The following MAD2L1BP variants were observed in gnomAD, a reference collection of about 807,000 sequenced individuals.
MAD2L1BP encodes the protein MAD2L1 binding protein.
In MAD2L1BP, 22 loss-of-function variants were observed where a neutral mutation model predicts 28.4. That is an observed-to-expected ratio of 0.77 (90% CI 0.55 to 1.10). MAD2L1BP has a LOEUF of 1.10. MAD2L1BP is among the 50% of genes least tolerant of loss of function. The probability of loss-of-function intolerance (pLI) is 0.00; values close to 1 mark genes in which losing one functional copy is unlikely to be tolerated. For synonymous variants in MAD2L1BP, 146 were observed against 133.7 expected (o/e 1.09, Z -0.63); for missense variants, 325 against 350.5 (o/e 0.93, Z 0.58).
At chr6:43,637,762 C>T (rs1222543163) in intron 2 of MAD2L1BP, among the ~76,000 whole-genome samples, 1 of 152,014 alleles carries the variant, frequency 6.6e-6, no homozygotes, top group Non-Finnish European at 1.5e-5. Flanking sequence ...CCATGTCCAG[C>T]TAATTTTTGT....
upstream of MAD2L1BP, among the ~76,000 whole-genome samples, chr6:43,634,228 T>TG (rs1770077656): frequency 7.1e-6 from 1 of 140,674 alleles, no homozygotes; most frequent in South Asian, 2.3e-4. Context: ...TTCTTTTTTT[T>TG]TTTTTTTTTG....
chr6:43,629,982 A>G (rs1231090723), intron 1 of MAD2L1BP, among the ~76,000 whole-genome samples: 1 of 152,218 alleles, frequency 6.6e-6, no homozygotes, highest in Non-Finnish European at 1.5e-5. Context: ...GAAGGCTGCA[A>G]GCATACCCAA....
At chr6:43,639,260 C>T (rs1770433481) in intron 2 of MAD2L1BP, among the ~76,000 whole-genome samples, 1 of 152,170 alleles carries the variant, frequency 6.6e-6, no homozygotes, top group African/African-American at 2.4e-5. Context: ...CTGCCTCAGC[C>T]TCCCTAGTAG....
In MAD2L1BP at chr6:43,640,520, G is replaced by C. The variant is rs1412912507; in HGVS notation, c.812G>C (p.Gly271Ala). 38 of 1,582,428 alleles carry C rather than the reference G, an allele frequency of 2.4e-5. No individual in the cohort carries two copies. Among genetic ancestry groups the C allele is most frequent in the Admixed American group, 3.7e-5 (2 of 54,676 alleles). Residue 271 changes from glycine (G) to alanine (A), a missense_variant, in exon 3 of 3, where the codon GGC becomes GCC. Coordinates refer to ENST00000372171, the MANE Select transcript of MAD2L1BP (RefSeq NM_014628.3). ...IWFQAPVTFK[G>A]FRE ...TTCCAGGCACCAGTGACATTTAAAG[G>C]CTTCCGCGAGTGAATGAGTGCTTCT...
chr6:43,639,300 C>T (rs1405238678), intron 2 of MAD2L1BP, among the ~76,000 whole-genome samples: 3 of 152,124 alleles, frequency 2.0e-5, no homozygotes, highest in Admixed American at 1.3e-4. Flanking sequence ...CCACCACACT[C>T]GGCTAATTTT....
At chr6:43,631,853 G>T (rs903865385), upstream of MAD2L1BP, among the ~76,000 whole-genome samples, 2 of 152,102 alleles carry the variant, frequency 1.3e-5, no homozygotes, top group African/African-American at 4.8e-5. Context: ...CGAGATGGGA[G>T]AATTGCTTAA....
At position 43,640,006 on chromosome 6, in the gene MAD2L1BP, T is replaced by C. The variant is rs749879130; in HGVS notation, c.313-15T>C. 4.0e-6 allele frequency: 6 copies of C among 1,513,346 alleles called. No individual in the cohort carries two copies. In the Admixed American group the frequency reaches 1.3e-4, roughly 33 times the overall value. The allele number at this position is 1,513,346 out of a possible 1,614,324, so 93.7% of individuals were successfully genotyped here. A position where few individuals can be genotyped will look rare whatever the true frequency, so the allele number is the denominator to read the frequency against. ...CTGCCTTGTTCTTCTCTCCCACCAT[T>C]CTTTGTCCTCACAGGCAGAGGAGAT... On this transcript the variant is annotated splice_polypyrimidine_tract_variant and intron_variant, in intron 2 of 2. Coordinates refer to ENST00000372171, the MANE Select transcript of MAD2L1BP (RefSeq NM_014628.3).
upstream of MAD2L1BP, among the ~76,000 whole-genome samples, chr6:43,630,900 C>T (rs1223648176): frequency 1.7e-5 from 2 of 120,442 alleles, no homozygotes; most frequent in Non-Finnish European, 3.2e-5. Flanking sequence ...CAGAACGAGA[C>T]TTCGTCTCAA....
At position 43,640,698 on chromosome 6, in the gene MAD2L1BP, A is replaced by G. The variant is rs1288761633; in HGVS notation, c.*165A>G. On this transcript the variant is annotated 3_prime_UTR_variant, in exon 3 of 3. Coordinates refer to ENST00000372171, the MANE Select transcript of MAD2L1BP (RefSeq NM_014628.3). ...TCAGATTTCCTGATAGGCTGATGGC[A>G]TGTGGCTGTGACTGTGACTGTAATC... The G allele has an allele frequency of 1.5e-6, 1 of 659,820 alleles. No individual in the cohort carries two copies. Among genetic ancestry groups the G allele is most frequent in the Non-Finnish European group, 2.5e-6 (1 of 398,254 alleles). The allele number at this position is 659,820 out of a possible 1,614,324, so 40.9% of individuals were successfully genotyped here. A position where few individuals can be genotyped will look rare whatever the true frequency, so the allele number is the denominator to read the frequency against.
chr6:43,639,649 C>A (rs1156750657), intron 2 of MAD2L1BP, among the ~76,000 whole-genome samples: 3 of 152,156 alleles, frequency 2.0e-5, no homozygotes, highest in Non-Finnish European at 2.9e-5. Flanking sequence ...AGTGGAAGAA[C>A]AAGTTCAAAG....
chr6:43,634,220 C>CTTTTT (rs751773637), upstream of MAD2L1BP, among the ~76,000 whole-genome samples: 3 of 103,688 alleles, frequency 2.9e-5, no homozygotes, highest in Admixed American at 9.7e-5. Context: ...TTCTTTTTTT[C>CTTTTT]TTTTTTTTTT....
In MAD2L1BP at chr6:43,639,494, G is replaced by A. The variant is rs111806565; in HGVS notation, c.313-527G>A. 3.9e-4 allele frequency among the ~76,000 whole-genome samples: 59 copies of A among 152,312 alleles called. 1 individual carries two copies. Among genetic ancestry groups the A allele is most frequent in the Middle Eastern group, 3.4e-3 (1 of 294 alleles). ...TGTGTTTGCATTTGGCTAGTGTTGT[G>A]TAGTTTCCAGTTCTTTCCTCTTGGG... On this transcript the variant is annotated intron_variant, in intron 2 of 2. Coordinates refer to ENST00000372171, the MANE Select transcript of MAD2L1BP (RefSeq NM_014628.3).
At chr6:43,636,767 T>G in intron 2 of MAD2L1BP, 121 bp downstream of exon 2, 1 of 1,153,726 alleles carries the variant, frequency 8.7e-7, no homozygotes, top group East Asian at 2.4e-5. Flanking sequence ...TTCCAGGGCT[T>G]CGGTCACTTT....
intron 1 of MAD2L1BP, among the ~76,000 whole-genome samples, chr6:43,630,557 A>G (rs1288664927): frequency 6.6e-6 from 1 of 152,164 alleles, no homozygotes; most frequent in Non-Finnish European, 1.5e-5. Context: ...AGCCTGGCCA[A>G]CACAGCGAAA....
rs1770234824 is a variant in MAD2L1BP at position 43,636,595 on chromosome 6, C to T, written c.261C>T (p.Leu87=). 2 of 1,614,056 alleles carry T rather than the reference C, an allele frequency of 1.2e-6. No homozygotes were observed. Among genetic ancestry groups the T allele is most frequent in the African/African-American group, 2.7e-5 (2 of 74,906 alleles). The change falls in exon 2 of 3, where the codon CTC becomes CTT. Residue 87 remains leucine, a synonymous_variant. Coordinates refer to ENST00000372171, the MANE Select transcript of MAD2L1BP (RefSeq NM_014628.3). ...LKHIMYQRQQ[L]PLPYEQLKHF... ...ATATCATGTATCAACGCCAGCAGCT[C>T]CCTCTGCCCTATGAACAGCTTAAGC...
chr6:43,635,886 C>A lies in MAD2L1BP; in HGVS notation c.11C>A (p.Pro4Gln), dbSNP rs1281867045. Residue 4 changes from proline (P) to glutamine (Q), a missense_variant, in exon 1 of 3, where the codon CCG (proline) becomes CAG (glutamine). Pro to Gln is a moderately conservative substitution (Grantham distance 76). Transcript: ENST00000372171. Reference sequence around the variant, plus strand: ...GGAGGGGAGGTCGTGATGGCGGCGCCGGAGGCGGAGGTTCTGTCCTCAGCC... The same window carrying A: ...GGAGGGGAGGTCGTGATGGCGGCGCAGGAGGCGGAGGTTCTGTCCTCAGCC... MAA[P>Q]EAEVLSSAAV... 11 of 1,479,104 alleles carry A rather than the reference C, an allele frequency of 7.4e-6. No homozygotes were observed. Among genetic ancestry groups the A allele is most frequent in the African/African-American group, 1.5e-5 (1 of 67,188 alleles). 91.6% of individuals were successfully genotyped at this position (1,479,104 alleles called of 1,614,324 possible). A position where few individuals can be genotyped will look rare whatever the true frequency, so the allele number is the denominator to read the frequency against.
intron 2 of MAD2L1BP, among the ~76,000 whole-genome samples, chr6:43,639,338 G>A (rs113677029): frequency 2.6e-5 from 4 of 152,078 alleles, no homozygotes; most frequent in African/African-American, 9.6e-5. Context: ...ACAGGGTTTC[G>A]CCATGTTAGC....
chr6:43,639,138 T>A (rs1048783450), intron 2 of MAD2L1BP, among the ~76,000 whole-genome samples: 2 of 151,826 alleles, frequency 1.3e-5, no homozygotes, highest in African/African-American at 4.8e-5. Context: ...ACTCTTCATC[T>A]TCTTTCTTTT....
intron 1 of MAD2L1BP, among the ~76,000 whole-genome samples, chr6:43,630,828 G>C (rs1769869638): frequency 1.4e-5 from 2 of 142,328 alleles, no homozygotes; most frequent in African/African-American, 5.3e-5. Context: ...AGAATCGCTT[G>C]AACTCGGGAG....
Sources: gnomAD v4.1 joint callset for allele counts (sites outside exome capture counted in the v4.1 genomes callset) on GRCh38, gnomAD v4.1.1 for gene constraint, MANE v1.5 for transcripts, NCBI Gene and HGNC (gene_info 2026-07-23, HGNC 2026-07-21) for gene names.